Variants in SCHIP1 observed in about 807,000 individuals in gnomAD.
The protein encoded by SCHIP1 is schwannomin interacting protein 1, also known as schwannomin-interacting protein 1.
In SCHIP1, 8 loss-of-function variants were observed where a neutral mutation model predicts 29.7. The observed-to-expected ratio is 0.27, with a 90% CI of 0.16 to 0.49. The LOEUF is 0.49. SCHIP1 is among the 20% of genes least tolerant of loss of function. SCHIP1 has a pLI of 0.99. For synonymous variants in SCHIP1, 76 were observed against 94.9 expected, an observed-to-expected ratio of 0.80 and a Z score of 1.16; for missense variants, 193 against 294.6, an observed-to-expected ratio of 0.66 and a Z score of 2.52.
the SCHIP1 span, among the ~76,000 whole-genome samples, chr3:159,669,225 G>A: frequency 6.6e-6 from 1 of 152,218 alleles, no homozygotes; most frequent in South Asian, 2.1e-4. Flanking sequence ...GAGAGGGCCA[G>A]GCACATGAAG....
At chr3:159,743,067 T>A in the SCHIP1 span, among the ~76,000 whole-genome samples, 1 of 152,086 alleles carries the variant, frequency 6.6e-6, no homozygotes, top group Admixed American at 6.6e-5. Flanking sequence ...CTGCTGTAAC[T>A]GTAAAAGATG....
At chr3:159,288,243 T>G in the SCHIP1 span, among the ~76,000 whole-genome samples, 1 of 152,196 alleles carries the variant, frequency 6.6e-6, no homozygotes, top group Non-Finnish European at 1.5e-5. Context: ...CTCCTACACA[T>G]GAATAAAGTT....
the SCHIP1 span, among the ~76,000 whole-genome samples, chr3:159,382,902 CTTCTT>C: frequency 6.6e-6 from 1 of 151,768 alleles, no homozygotes; most frequent in Admixed American, 6.6e-5. Context: ...GCATTAATGT[CTTCTT>C]TTGAGAAATG....
At chr3:159,566,544 G>A in the SCHIP1 span, among the ~76,000 whole-genome samples, 192 of 152,112 alleles carry the variant, frequency 1.3e-3, no homozygotes, top group Non-Finnish European at 1.8e-3. Flanking sequence ...AATTGGGAAG[G>A]GAATACAGAA....
the SCHIP1 span, among the ~76,000 whole-genome samples, chr3:159,802,997 G>A: frequency 1.3e-5 from 2 of 152,194 alleles, no homozygotes; most frequent in African/African-American, 4.8e-5. Context: ...AGAAAGGGAA[G>A]AAGAAGAACA....
At chr3:159,868,068 T>TAC (rs1714842334) in intron 2 of SCHIP1, among the ~76,000 whole-genome samples, 1 of 147,790 alleles carries the variant, frequency 6.8e-6, no homozygotes, top group Non-Finnish European at 1.5e-5. Context: ...CATATACATA[T>TAC]ATATGGGTTA....
the SCHIP1 span, among the ~76,000 whole-genome samples, chr3:159,731,174 A>G: frequency 1.3e-5 from 2 of 152,348 alleles, no homozygotes; most frequent in Non-Finnish European, 2.9e-5. Context: ...ACGTCAAAGC[A>G]TTTTCAAAGA....
intron 2 of SCHIP1, among the ~76,000 whole-genome samples, chr3:159,866,704 A>G (rs1304634001): frequency 6.6e-6 from 1 of 152,154 alleles, no homozygotes. Context: ...TAACTGAGAA[A>G]TACAATTCCC....
At chr3:159,450,170 A>G in the SCHIP1 span, among the ~76,000 whole-genome samples, 152 of 152,296 alleles carry the variant, frequency 1.0e-3, no homozygotes, top group Admixed American at 2.0e-3. Context: ...ATGCTAAAAT[A>G]TTGTCTCATA....
At chr3:159,509,317 C>T in the SCHIP1 span, among the ~76,000 whole-genome samples, 11 of 152,240 alleles carry the variant, frequency 7.2e-5, no homozygotes, top group African/African-American at 2.6e-4. Flanking sequence ...TTTCCATTTG[C>T]TTGGTAGATC....
At position 159,850,052 on chromosome 3, in the gene SCHIP1, C is replaced by T. The variant is rs186099603; in HGVS notation, c.30+9838C>T. 3.9e-3 allele frequency among the ~76,000 whole-genome samples: 595 copies of T among 152,246 alleles called. 1 individual carries two copies. The highest frequency in any genetic ancestry group is 6.2e-3 in the Non-Finnish European group (424 of 68,020). ...GAAGCAACAGTGGTGCTAAAAGACA[C>T]CAGGTAAACTGGAAAGGAAAATTCA... On this transcript the variant is annotated intron_variant, in intron 1 of 6. Coordinates refer to ENST00000445224, the Ensembl canonical transcript of SCHIP1.
chr3:159,835,172 T>C (rs1469108747), upstream of SCHIP1, among the ~76,000 whole-genome samples: 1 of 152,192 alleles, frequency 6.6e-6, no homozygotes, highest in Non-Finnish European at 1.5e-5. Flanking sequence ...CCACCCCCAA[T>C]ACTTCATTTT....
At chr3:159,333,955 T>C in the SCHIP1 span, among the ~76,000 whole-genome samples, 44 of 152,224 alleles carry the variant, frequency 2.9e-4, no homozygotes, top group African/African-American at 9.1e-4. Flanking sequence ...TATCTCCCTG[T>C]TGAGCCAAAA....
At chr3:159,804,734 G>T in the SCHIP1 span, among the ~76,000 whole-genome samples, 1 of 152,224 alleles carries the variant, frequency 6.6e-6, no homozygotes, top group Non-Finnish European at 1.5e-5. Context: ...GATGAGATTG[G>T]TTGGCTCCTG....
chr3:159,393,322 A>T, the SCHIP1 span, among the ~76,000 whole-genome samples: 3 of 151,968 alleles, frequency 2.0e-5, no homozygotes, highest in African/African-American at 7.3e-5. Flanking sequence ...GTTTAATTAG[A>T]TCCCATTTGT....
chr3:159,535,252 C>A, the SCHIP1 span, among the ~76,000 whole-genome samples: 2 of 152,050 alleles, frequency 1.3e-5, no homozygotes, highest in African/African-American at 4.8e-5. Context: ...TTGGTGATTT[C>A]TCCTCTTTCA....
chr3:159,493,282 C>T, the SCHIP1 span, among the ~76,000 whole-genome samples: 1 of 152,178 alleles, frequency 6.6e-6, no homozygotes, highest in African/African-American at 2.4e-5. Context: ...GGGCTAAATG[C>T]TCCAATTAAA....
At chr3:159,451,685 C>G in the SCHIP1 span, among the ~76,000 whole-genome samples, 2 of 152,152 alleles carry the variant, frequency 1.3e-5, no homozygotes, top group Non-Finnish European at 2.9e-5. Flanking sequence ...CTGCCTGGTG[C>G]TAGGGAGATG....
chr3:159,309,516 G>T, the SCHIP1 span, among the ~76,000 whole-genome samples: 1 of 151,972 alleles, frequency 6.6e-6, no homozygotes, highest in Non-Finnish European at 1.5e-5. Context: ...ATGCTATATG[G>T]GTATGCAGAA....
Sources: gnomAD v4.1 joint callset for allele counts (sites outside exome capture counted in the v4.1 genomes callset) on GRCh38, gnomAD v4.1.1 for gene constraint, MANE v1.5 for transcripts, NCBI Gene and HGNC (gene_info 2026-07-23, HGNC 2026-07-21) for gene names.